The following MYLK variants were observed in gnomAD, a reference collection of about 807,000 sequenced individuals.
The protein encoded by MYLK is myosin light chain kinase.
Under a neutral mutation model 203.4 loss-of-function variants are expected in MYLK, and 106 were observed. That is an observed-to-expected ratio of 0.52 (90% CI 0.45 to 0.61). The LOEUF (loss-of-function observed/expected upper bound fraction) is 0.61. Ranked by LOEUF, MYLK falls within the 20% of genes least tolerant of loss-of-function variation. MYLK has a pLI of 0.00. For synonymous variants in MYLK, 867 were observed against 959.5 expected (o/e 0.90, Z 1.78); for missense variants, 2,072 against 2,442.3 (o/e 0.85, Z 3.20).
chr3:123,791,158 G>C (rs1470173009), intron 4 of MYLK, among the ~76,000 whole-genome samples: 6 of 152,154 alleles, frequency 3.9e-5, no homozygotes, highest in Non-Finnish European at 8.8e-5. Flanking sequence ...CTGCAGGCAA[G>C]GTCAAGTGGC....
At chr3:123,718,252 G>A (rs1411803636) in intron 13 of MYLK, among the ~76,000 whole-genome samples, 1 of 152,148 alleles carries the variant, frequency 6.6e-6, no homozygotes, top group Non-Finnish European at 1.5e-5. Flanking sequence ...TCTAGGGAAT[G>A]CCTCCCTGCA....
chr3:123,855,830 C>A (rs150282544), intron 2 of MYLK, among the ~76,000 whole-genome samples: 1 of 152,104 alleles, frequency 6.6e-6, no homozygotes, highest in Non-Finnish European at 1.5e-5. Flanking sequence ...TGCTTTTTGC[C>A]ACCACTACCT....
At position 123,648,897 on chromosome 3, in the gene MYLK, G is replaced by T; in HGVS notation, c.4415+74C>A. On this transcript the variant is annotated intron_variant, in intron 26 of 33. Coordinates refer to ENST00000360304, the MANE Select transcript of MYLK (RefSeq NM_053025.4). The surrounding 1 kb of genome is among the most constrained non-coding windows in gnomAD (Gnocchi z 4.5). Reference sequence around the variant, plus strand: ...GCCCCAGGGAGCAACAGGAAGCTGAGGCACTGAATCTAACTGTGAGACCCG... The same window carrying T: ...GCCCCAGGGAGCAACAGGAAGCTGATGCACTGAATCTAACTGTGAGACCCG... 7.8e-7 allele frequency: 1 copy of T among 1,277,806 alleles called. No homozygotes were observed. 79.2% of individuals were successfully genotyped at this position (1,277,806 alleles called of 1,614,324 possible).
At chr3:123,757,174 TAAAC>T (rs2063382895) in intron 4 of MYLK, among the ~76,000 whole-genome samples, 1 of 152,228 alleles carries the variant, frequency 6.6e-6, no homozygotes, top group African/African-American at 2.4e-5. Context: ...GTTAGAGCAC[TAAAC>T]ATTTTGGTTT....
intron 13 of MYLK, among the ~76,000 whole-genome samples, chr3:123,721,826 G>T (rs1464289421): frequency 1.4e-5 from 2 of 146,216 alleles, no homozygotes; most frequent in African/African-American, 4.9e-5. Flanking sequence ...GGAGTGAGGG[G>T]GTGAGGAAAA....
chr3:123,822,070 C>T (rs1000232573), intron 3 of MYLK, among the ~76,000 whole-genome samples: 2 of 152,180 alleles, frequency 1.3e-5, no homozygotes, highest in East Asian at 1.9e-4. Flanking sequence ...CTCTTATTCT[C>T]TCTTGTCCTT....
In MYLK at chr3:123,722,222, G is replaced by A. The variant is rs1292269089; in HGVS notation, c.1710C>T (p.Ile570=). 4 of 1,563,462 alleles carry A rather than the reference G, an allele frequency of 2.6e-6. No individual in the cohort carries two copies. Among genetic ancestry groups the A allele is most frequent in the Non-Finnish European group, 3.5e-6 (4 of 1,153,518 alleles). ...CATGGTCCTCCGGCAGGGCATCCTG[G>A]ATGTGGAGCTCAGCCACGCCGGCCT... ...TCEAGVAELH[I]QDALPEDHGT... is the part of the protein sequence containing the mutation. The change falls in exon 13 of 34, where the codon ATC becomes ATT. Residue 570 remains isoleucine (I), a synonymous_variant. Transcript: ENST00000360304.
chr3:123,818,722 C>T (rs149278662), intron 3 of MYLK, among the ~76,000 whole-genome samples: 2 of 152,248 alleles, frequency 1.3e-5, no homozygotes, highest in Non-Finnish European at 2.9e-5. Flanking sequence ...AACTCGCAAC[C>T]ACACAGTGGT....
chr3:123,660,406 C>A (rs148717100), intron 23 of MYLK, among the ~76,000 whole-genome samples: 349 of 152,256 alleles, frequency 2.3e-3, no homozygotes, highest in African/African-American at 7.8e-3. Flanking sequence ...GAAAAGAGAC[C>A]TGCTTTTCTC....
At chr3:123,665,182 T>C (rs1260923822) in intron 22 of MYLK, among the ~76,000 whole-genome samples, 2 of 152,250 alleles carry the variant, frequency 1.3e-5, no homozygotes, top group Admixed American at 6.5e-5. Flanking sequence ...AAATATTCAG[T>C]TCCTCAGTTG....
chr3:123,808,758 G>C (rs1233353406), intron 3 of MYLK, among the ~76,000 whole-genome samples: 1 of 152,126 alleles, frequency 6.6e-6, no homozygotes, highest in Non-Finnish European at 1.5e-5. Context: ...TTGAGGACTA[G>C]GTACTGTACT....
At chr3:123,823,627 C>T (rs2109310355) in intron 3 of MYLK, among the ~76,000 whole-genome samples, 1 of 152,320 alleles carries the variant, frequency 6.6e-6, no homozygotes, top group East Asian at 1.9e-4. Context: ...CTATGTGCCT[C>T]CCTAATTCCA....
At chr3:123,692,074 A>G (rs548638686) in intron 19 of MYLK, among the ~76,000 whole-genome samples, 1 of 152,222 alleles carries the variant, frequency 6.6e-6, no homozygotes, top group East Asian at 1.9e-4. Context: ...TCATGAATGC[A>G]CTTCCTGCAT....
intron 3 of MYLK, among the ~76,000 whole-genome samples, chr3:123,825,003 G>A (rs2066063763): frequency 6.6e-6 from 1 of 152,062 alleles, no homozygotes. Context: ...TCAAAAGCTG[G>A]ATATGGTGGT....
rs748022784 is a variant in MYLK at position 123,700,043 on chromosome 3, T to C, written c.3425A>G (p.Lys1142Arg). ...ACCTTCCTGGGAGAGGATGATGAAC[T>C]TGGTGGTCTTGAGGGTCTTTCCGTT... is the stretch of plus-strand genomic sequence containing the variant. ...TLNGKTLKTT[K>R]FIILSQEGSL... is the part of the protein sequence containing the mutation. The change falls in exon 18 of 34, where the codon AAG (lysine) becomes AGG (arginine). Residue 1142 changes from lysine to arginine, a missense_variant. Transcript: ENST00000360304. 6.2e-7 allele frequency: 1 copy of C among 1,614,006 alleles called. No individual in the cohort carries two copies. The highest frequency in any genetic ancestry group is 1.1e-5 in the South Asian group (1 of 91,052).
intron 2 of MYLK, among the ~76,000 whole-genome samples, chr3:123,852,483 T>C (rs2030922978): frequency 6.6e-6 from 1 of 152,238 alleles, no homozygotes; most frequent in Admixed American, 6.5e-5. Flanking sequence ...CAGGAATTTA[T>C]CCATTTCTTC....
chr3:123,709,133 A>ATT, intron 14 of MYLK: 2 of 323,250 alleles, frequency 6.2e-6, no homozygotes, highest in South Asian at 1.3e-4. Flanking sequence ...GTTCTCACAT[A>ATT]ATTTTTTTTT....
intron 3 of MYLK, among the ~76,000 whole-genome samples, chr3:123,829,503 A>C (rs1242496370): frequency 6.6e-6 from 1 of 152,174 alleles, no homozygotes; most frequent in Non-Finnish European, 1.5e-5. Context: ...ACAGCTAGAT[A>C]AGAAGAAGAA....
At chr3:123,826,114 C>A (rs762539612) in intron 3 of MYLK, among the ~76,000 whole-genome samples, 13 of 152,172 alleles carry the variant, frequency 8.5e-5, no homozygotes, top group Non-Finnish European at 1.3e-4. Context: ...GGCAGGTATG[C>A]CCTTATGCCA....
Sources: allele counts gnomAD v4.1 joint callset (sites outside exome capture counted in the v4.1 genomes callset), GRCh38; gene constraint gnomAD v4.1.1; non-coding constraint Gnocchi (gnomAD v3.1); transcripts MANE v1.5; gene names NCBI Gene and HGNC (gene_info 2026-07-23, HGNC 2026-07-21).